The following GRM7 variants were observed in gnomAD, a reference collection of about 807,000 sequenced individuals.
GRM7 encodes metabotropic glutamate receptor 7.
Under a neutral mutation model 84.5 loss-of-function variants are expected in GRM7, and 35 were observed. The ratio of observed to expected loss-of-function variants is 0.41; its 90% CI spans 0.32 to 0.55. The LOEUF (loss-of-function observed/expected upper bound fraction) is 0.55, where lower values mean the gene tolerates loss of function less well. GRM7 is among the 20% of genes least tolerant of loss of function. The pLI, the probability that GRM7 is intolerant of heterozygous loss-of-function variation, is 0.19. For missense variants in GRM7, 1,003 were observed against 1,194.6 expected, an observed-to-expected ratio of 0.84 and a Z score of 2.36; for synonymous variants, 487 against 455.1, an observed-to-expected ratio of 1.07 and a Z score of -0.89.
chr3:6,879,402 G>A (rs899348081), intron 1 of GRM7, among the ~76,000 whole-genome samples: 2 of 152,216 alleles, frequency 1.3e-5, no homozygotes, highest in Non-Finnish European at 1.5e-5. Flanking sequence ...GTTTTGTGGC[G>A]ATACATTTGA....
At chr3:6,891,635 A>T (rs977740843) in intron 1 of GRM7, among the ~76,000 whole-genome samples, 2 of 152,164 alleles carry the variant, frequency 1.3e-5, no homozygotes, top group African/African-American at 4.8e-5. Context: ...TTTGTGGGTA[A>T]CCCGACCTTT....
At chr3:6,987,421 T>C (rs780937990) in intron 1 of GRM7, among the ~76,000 whole-genome samples, 2 of 150,754 alleles carry the variant, frequency 1.3e-5, no homozygotes, top group Non-Finnish European at 2.9e-5. Context: ...AAATCCCTGA[T>C]AAACTTACAG....
At chr3:7,570,495 G>T (rs556139160) in intron 7 of GRM7, among the ~76,000 whole-genome samples, 1 of 152,326 alleles carries the variant, frequency 6.6e-6, no homozygotes, top group Admixed American at 6.5e-5. Context: ...CAAATCTTAA[G>T]CTCCAAAATG....
chr3:7,256,366 G>A (rs1698198578), intron 2 of GRM7, among the ~76,000 whole-genome samples: 6 of 152,130 alleles, frequency 3.9e-5, no homozygotes, highest in Admixed American at 3.9e-4. Flanking sequence ...CTAAATAAGT[G>A]AAAGAATAAA....
intron 9 of GRM7, chr3:7,691,188 A>G: frequency 1.2e-6 from 1 of 827,372 alleles, no homozygotes; most frequent in South Asian, 1.4e-5. Context: ...AATTCCCTTT[A>G]TATCTCTGCC....
intron 4 of GRM7, among the ~76,000 whole-genome samples, chr3:7,373,760 A>G (rs765947720): frequency 6.9e-6 from 1 of 144,940 alleles, no homozygotes; most frequent in Non-Finnish European, 1.5e-5. Context: ...CATCTCTGGG[A>G]TTTAGTATTC....
chr3:7,566,103 G>GTTTTTTTTTTTT (rs58178956), intron 7 of GRM7, among the ~76,000 whole-genome samples: 2 of 129,986 alleles, frequency 1.5e-5, no homozygotes, highest in Non-Finnish European at 3.2e-5. Flanking sequence ...TGAATCAGCT[G>GTTTTTTTTTTTT]TTTTTTTTTT....
intron 8 of GRM7, among the ~76,000 whole-genome samples, chr3:7,666,252 CAAACAGAAAA>C (rs1575608987): frequency 6.6e-6 from 1 of 152,116 alleles, no homozygotes; most frequent in East Asian, 1.9e-4. Context: ...GCAAAACAAA[CAAACAGAAAA>C]TATTCTGGGC....
At chr3:7,370,569 A>G (rs575805131) in intron 4 of GRM7, among the ~76,000 whole-genome samples, 66 of 144,358 alleles carry the variant, frequency 4.6e-4, no homozygotes, top group Middle Eastern at 6.9e-3. Context: ...ATTACTCATG[A>G]AGGTTCAGGT....
intron 4 of GRM7, among the ~76,000 whole-genome samples, chr3:7,396,627 A>G (rs1695222352): frequency 6.6e-6 from 1 of 152,132 alleles, no homozygotes; most frequent in Non-Finnish European, 1.5e-5. Context: ...TGTATCATTA[A>G]GACTGGAAAT....
At chr3:6,962,583 A>G (rs568581881) in intron 1 of GRM7, among the ~76,000 whole-genome samples, 4 of 152,322 alleles carry the variant, frequency 2.6e-5, no homozygotes, top group Admixed American at 6.5e-5. Context: ...TAATGATGAC[A>G]TATACTTATT....
At chr3:7,483,137 T>C (rs1699195824) in intron 7 of GRM7, among the ~76,000 whole-genome samples, 1 of 152,210 alleles carries the variant, frequency 6.6e-6, no homozygotes, top group African/African-American at 2.4e-5. Flanking sequence ...AACTACTCTA[T>C]GCCAAGTTGT....
At chr3:7,622,556 G>A (rs549599496) in intron 8 of GRM7, among the ~76,000 whole-genome samples, 19 of 152,134 alleles carry the variant, frequency 1.2e-4, no homozygotes, top group Admixed American at 9.8e-4. Flanking sequence ...AAGGAGAGGC[G>A]AGAGGCATGT....
chr3:7,437,506 T>C (rs1467979213), intron 5 of GRM7, among the ~76,000 whole-genome samples: 1 of 152,168 alleles, frequency 6.6e-6, no homozygotes. Flanking sequence ...TAGTACTAAC[T>C]AGAGTTATTG....
intron 1 of GRM7, among the ~76,000 whole-genome samples, chr3:7,131,775 G>A (rs371625469): frequency 1.1e-4 from 17 of 152,092 alleles, no homozygotes; most frequent in African/African-American, 3.9e-4. Context: ...GTGAGCCACC[G>A]CACCCAGGCT....
chr3:7,528,400 TG>T (rs1414918295), intron 7 of GRM7, among the ~76,000 whole-genome samples: 1 of 152,124 alleles, frequency 6.6e-6, no homozygotes, highest in Non-Finnish European at 1.5e-5. Context: ...TTTGCTCATT[TG>T]AGTCTTCCTT....
rs3030894 is a variant in GRM7, at chr3:7,341,373, G to GT, written c.1033+34731dup. ...CAAATAACGGTAAAATTCAACTCAT[G>GT]TTTTTTTTTTGTTTATTTAGCAAAC... On this transcript the variant is annotated intron_variant, in intron 4 of 9. Coordinates refer to ENST00000357716, the MANE Select transcript of GRM7 (RefSeq NM_000844.4). Among the ~76,000 whole-genome samples, 125 of 89,318 alleles carry GT rather than the reference G, an allele frequency of 1.4e-3. 2 individuals carry two copies. The South Asian group carries it at 0.017, about 12-fold the overall frequency. The allele number at this position is 89,318 out of a possible 152,430, so 58.6% of individuals were successfully genotyped here.
rs965747417 is a variant in GRM7 at position 7,741,516 on chromosome 3, C to G, written c.*1110C>G. On this transcript the variant is annotated 3_prime_UTR_variant, in exon 10 of 10. Coordinates refer to ENST00000357716, the MANE Select transcript of GRM7 (RefSeq NM_000844.4). ...TGTCCAAGAATGTATCAATAAAATA[C>G]TTTGGTTAACTTTTTTATTTTCTGC... The G allele has an allele frequency of 6.6e-6, 1 of 152,522 alleles. No homozygotes were observed. Among genetic ancestry groups the G allele is most frequent in the Non-Finnish European group, 1.5e-5 (1 of 68,020 alleles). 9.4% of individuals were successfully genotyped at this position (152,522 alleles called of 1,614,324 possible). A position where few individuals can be genotyped will look rare whatever the true frequency, so the allele number is the denominator to read the frequency against.
intron 7 of GRM7, among the ~76,000 whole-genome samples, chr3:7,483,009 G>A (rs79480563): frequency 0.076 from 11,612 of 152,174 alleles, 1,445 homozygotes; most frequent in African/African-American, 0.26. Context: ...TTTAAGCTGT[G>A]TGTTTTTCTG....
Sources: allele counts gnomAD v4.1 joint callset (sites outside exome capture counted in the v4.1 genomes callset), GRCh38; gene constraint gnomAD v4.1.1; transcripts MANE v1.5; gene names NCBI Gene and HGNC (gene_info 2026-07-23, HGNC 2026-07-21).